TRDN: variants seen among roughly 807,000 people sequenced by gnomAD.
TRDN encodes triadin in skeletal muscle.
TRDN carries 161 observed loss-of-function variants against 149.7 expected under a neutral mutation model. That is an observed-to-expected ratio of 1.08 (90% CI 0.95 to 1.23). The LOEUF (loss-of-function observed/expected upper bound fraction) is 1.23. TRDN is among the 50% of genes most tolerant of loss of function. TRDN has a pLI of 0.00. For missense variants in TRDN, 896 were observed against 823.5 expected, an observed-to-expected ratio of 1.09 and a Z score of -1.08; for synonymous variants, 294 against 250.5, an observed-to-expected ratio of 1.17 and a Z score of -1.64.
chr6:123,403,802 C>T (rs116515375), intron 12 of TRDN, among the ~76,000 whole-genome samples: 33 of 150,962 alleles, frequency 2.2e-4, no homozygotes, highest in Middle Eastern at 3.4e-3. Context: ...AAAAGTTTTG[C>T]GAATCAAAAT....
intron 21 of TRDN, among the ~76,000 whole-genome samples, chr6:123,338,604 C>CA (rs1779957242): frequency 6.6e-6 from 1 of 152,132 alleles, no homozygotes; most frequent in African/African-American, 2.4e-5. Context: ...ATCCAGGAGT[C>CA]AGTGATTTTA....
chr6:123,426,881 G>C (rs79286873), intron 12 of TRDN, among the ~76,000 whole-genome samples: 1,750 of 151,956 alleles, frequency 0.012, 38 homozygotes, highest in East Asian at 0.079. Flanking sequence ...GCTCCTCAAG[G>C]CTCCTTTAAC....
At chr6:123,321,861 A>G (rs1395476153) in intron 23 of TRDN, among the ~76,000 whole-genome samples, 1 of 151,710 alleles carries the variant, frequency 6.6e-6, no homozygotes, top group South Asian at 2.1e-4. Context: ...GATAAATATA[A>G]CTGTGAAAAA....
chr6:123,494,554 G>T (rs910275540), intron 9 of TRDN, among the ~76,000 whole-genome samples: 45 of 152,040 alleles, frequency 3.0e-4, no homozygotes, highest in African/African-American at 1.0e-3. Flanking sequence ...AAAACTAATA[G>T]AATATGAAGA....
rs78278866 is a variant in TRDN at position 123,425,744 on chromosome 6, G to A, written c.1051+12319C>T. On this transcript the variant is annotated intron_variant, in intron 12 of 40. Coordinates refer to ENST00000334268, the MANE Select transcript of TRDN (RefSeq NM_006073.4). The stretch of plus-strand genomic sequence containing the variant: ...GAGTTGAAAGCCTAAGTACAGCGGG[G>A]ATGAGAGACCGGAAGGAGAATGTAG... Among the ~76,000 whole-genome samples, 979 of 152,210 alleles carry A rather than the reference G, an allele frequency of 6.4e-3. 8 individuals are homozygous for A. The highest frequency in any genetic ancestry group is 0.022 in the African/African-American group (929 of 41,542).
chr6:123,634,432 T>C (rs753989844), intron 1 of TRDN, among the ~76,000 whole-genome samples: 1 of 151,170 alleles, frequency 6.6e-6, no homozygotes, highest in South Asian at 2.1e-4. Context: ...CAGAGAAAAA[T>C]TCTGCTCTAA....
chr6:123,331,776 G>A, intron 23 of TRDN, 103 bp downstream of exon 23: 1 of 711,660 alleles, frequency 1.4e-6, no homozygotes. Context: ...GAAGGCTATG[G>A]TTTTGAGAGC....
chr6:123,567,916 C>T (rs1000604227), intron 2 of TRDN, among the ~76,000 whole-genome samples: 1 of 152,140 alleles, frequency 6.6e-6, no homozygotes, highest in Non-Finnish European at 1.5e-5. Flanking sequence ...CAATAGTCTC[C>T]CAAAGCCTTA....
chr6:123,285,175 GA>G (rs1777754705), intron 24 of TRDN, among the ~76,000 whole-genome samples: 1 of 151,348 alleles, frequency 6.6e-6, no homozygotes, highest in South Asian at 2.1e-4. Flanking sequence ...ATTCTTCACA[GA>G]ACTAGAAAAA....
chr6:123,495,304 A>G (rs1348719489), intron 9 of TRDN, among the ~76,000 whole-genome samples: 1 of 151,688 alleles, frequency 6.6e-6, no homozygotes, highest in Non-Finnish European at 1.5e-5. Flanking sequence ...AGATAACCTA[A>G]GGTCAGGAGT....
chr6:123,458,022 C>T (rs1409279502), intron 10 of TRDN, among the ~76,000 whole-genome samples: 1 of 152,122 alleles, frequency 6.6e-6, no homozygotes, highest in Non-Finnish European at 1.5e-5. Flanking sequence ...AAAAATCTTA[C>T]AGTTGATCCT....
At chr6:123,464,183 C>A in intron 10 of TRDN, 1 of 849,752 alleles carries the variant, frequency 1.2e-6, no homozygotes, top group Non-Finnish European at 1.4e-6. Context: ...TGGACAATAT[C>A]TGAAATGATC....
chr6:123,348,481 G>A (rs903503422), intron 21 of TRDN, among the ~76,000 whole-genome samples: 1 of 151,956 alleles, frequency 6.6e-6, no homozygotes, highest in African/African-American at 2.4e-5. Context: ...TTGATGATAA[G>A]GAACTGTATT....
chr6:123,609,968 AT>A (rs1784717166), intron 1 of TRDN, among the ~76,000 whole-genome samples: 1 of 152,162 alleles, frequency 6.6e-6, no homozygotes, highest in African/African-American at 2.4e-5. Flanking sequence ...TTAGAAGTAA[AT>A]TTATACTAGA....
intron 9 of TRDN, 108 bp from the exon 10 acceptor site, chr6:123,465,091 G>T: frequency 8.4e-7 from 1 of 1,186,134 alleles, no homozygotes; most frequent in African/African-American, 1.5e-5. Flanking sequence ...ATAATACCAA[G>T]CCAAGTATAA....
intron 12 of TRDN, among the ~76,000 whole-genome samples, chr6:123,411,390 T>G (rs1773437546): frequency 1.3e-5 from 2 of 151,866 alleles, no homozygotes; most frequent in African/African-American, 4.8e-5. Context: ...AAATAAAGGG[T>G]CCTTCAAGCA....
chr6:123,314,611 A>G (rs1778956903), intron 24 of TRDN, among the ~76,000 whole-genome samples: 1 of 152,084 alleles, frequency 6.6e-6, no homozygotes, highest in Non-Finnish European at 1.5e-5. Context: ...CATCAATGAT[A>G]GACTGGATAA....
intron 5 of TRDN, among the ~76,000 whole-genome samples, chr6:123,525,747 C>T (rs1268792194): frequency 2.0e-5 from 3 of 151,976 alleles, no homozygotes; most frequent in Non-Finnish European, 4.4e-5. Context: ...TCCCTCTAAA[C>T]TCTGACTGAC....
At chr6:123,396,323 A>G (rs1387566129) in intron 12 of TRDN, among the ~76,000 whole-genome samples, 1 of 152,224 alleles carries the variant, frequency 6.6e-6, no homozygotes, top group Non-Finnish European at 1.5e-5. Flanking sequence ...CGTTTCCAAC[A>G]CCTACTACAG....
Sources: allele counts gnomAD v4.1 joint callset (sites outside exome capture counted in the v4.1 genomes callset), GRCh38; gene constraint gnomAD v4.1.1; transcripts MANE v1.5; gene names NCBI Gene and HGNC (gene_info 2026-07-23, HGNC 2026-07-21).